Variants in NIPAL1 observed in about 807,000 individuals in gnomAD.
NIPAL1 encodes the protein magnesium transporter NIPA3.
Under a neutral mutation model 37.7 loss-of-function variants are expected in NIPAL1, and 35 were observed. The observed-to-expected ratio is 0.93, with a 90% CI of 0.71 to 1.23. The LOEUF is 1.23. Ranked by LOEUF, NIPAL1 falls within the 50% of genes most tolerant of loss-of-function variation. The pLI, the probability that NIPAL1 is intolerant of heterozygous loss-of-function variation, is 0.00. For synonymous variants in NIPAL1, 162 were observed against 183.0 expected (o/e 0.89, Z 0.93); for missense variants, 412 against 473.9 (o/e 0.87, Z 1.21).
rs1715993931 is a variant in NIPAL1 at position 48,038,093 on chromosome 4, C to T, written c.*1921C>T. ...AACTAACTTCAGCATTTCCACAGTT[C>T]TATTAAACAATGACTGATGTTCACA... is the stretch of plus-strand genomic sequence containing the variant. On this transcript the variant is annotated 3_prime_UTR_variant, in exon 6 of 6. Transcript: ENST00000295461. 1 of 152,174 alleles carries T rather than the reference C, an allele frequency of 6.6e-6. No homozygotes were observed. 9.4% of individuals were successfully genotyped at this position (152,174 alleles called of 1,614,324 possible).
At position 48,034,874 on chromosome 4, in the gene NIPAL1, C is replaced by T. The variant is rs201208361; in HGVS notation, c.462-7C>T. On this transcript the variant is annotated splice_polypyrimidine_tract_variant and splice_region_variant and intron_variant, in intron 4 of 5. Coordinates refer to ENST00000295461, the MANE Select transcript of NIPAL1 (RefSeq NM_207330.3). ...ATAGTGATTTTTAATTTTTTCTCTC[C>T]CAACAGTGCAATATTATCTTCCTAC... is the stretch of plus-strand genomic sequence containing the variant. 8.7e-6 allele frequency: 14 copies of T among 1,607,920 alleles called. No individual in the cohort carries two copies. The highest frequency in any genetic ancestry group is 1.2e-5 in the Non-Finnish European group (14 of 1,176,230).
At chr4:48,024,940 G>A in intron 1 of NIPAL1, 128 bp from the exon 2 acceptor site, 1 of 765,188 alleles carries the variant, frequency 1.3e-6, no homozygotes, top group South Asian at 1.7e-5. Context: ...CCACCTGTTA[G>A]CGACTTCCCT....
At chr4:48,029,398 A>G (rs1485592476) in intron 2 of NIPAL1, among the ~76,000 whole-genome samples, 1 of 152,182 alleles carries the variant, frequency 6.6e-6, no homozygotes, top group Non-Finnish European at 1.5e-5. Flanking sequence ...TTCAAAGTGG[A>G]ATAATGGACA....
intron 1 of NIPAL1, among the ~76,000 whole-genome samples, chr4:48,017,827 CTA>C (rs1215695408): frequency 6.7e-6 from 1 of 150,240 alleles, no homozygotes; most frequent in Admixed American, 6.7e-5. Flanking sequence ...GTAAGAACTA[CTA>C]TATATATACA....
In NIPAL1 at chr4:48,036,129, G is replaced by C. The variant is rs758480132; in HGVS notation, c.1190G>C (p.Gly397Ala). ...LLENLECSAP[G>A]YNDDVTLFSR... is the part of the protein sequence containing the mutation. ...GAGAACTTGGAGTGTTCAGCCCCAG[G>C]ATACAATGATGACGTTACCTTGTTT... Residue 397 changes from glycine (G) to alanine (A), a missense_variant, in exon 6 of 6, where the codon GGA (glycine) becomes GCA (alanine). Coordinates refer to ENST00000295461, the MANE Select transcript of NIPAL1 (RefSeq NM_207330.3). 6.2e-7 allele frequency: 1 copy of C among 1,608,738 alleles called. No homozygotes were observed. Among genetic ancestry groups the C allele is most frequent in the Non-Finnish European group, 8.5e-7 (1 of 1,178,842 alleles).
rs1345540738 is a variant in NIPAL1, at chr4:48,035,817, A to G, written c.878A>G (p.Tyr293Cys). Residue 293 changes from tyrosine (Y) to cysteine (C), a missense_variant, in exon 6 of 6, where the codon TAT becomes TGT. Coordinates refer to ENST00000295461, the MANE Select transcript of NIPAL1 (RefSeq NM_207330.3). ...LVLSVTTQIN[Y>C]LNKALDTFNT... The stretch of plus-strand genomic sequence containing the variant: ...CTTTCAGTAACTACACAGATTAACT[A>G]TCTCAACAAGGCACTGGACACCTTT... 5 of 1,614,214 alleles carry G rather than the reference A, an allele frequency of 3.1e-6. No individual in the cohort carries two copies. Among genetic ancestry groups the G allele is most frequent in the African/African-American group, 1.3e-5 (1 of 75,050 alleles).
rs200759109 is a variant in NIPAL1, at chr4:48,025,112, T to C, written c.91T>C (p.Cys31Arg). The change falls in exon 2 of 6, where the codon TGT (cysteine) becomes CGT (arginine). Residue 31 changes from cysteine to arginine, a missense_variant. Transcript: ENST00000295461. Reference protein sequence around the residue: ...LVCPNSSQAWCEITNVSQLLA... With the variant: ...LVCPNSSQAWREITNVSQLLA... Reference sequence around the variant, plus strand: ...CTGTCCAAACTCCTCCCAGGCTTGGTGTGAGATCACAAATGTGTCACAGCT... The same window carrying C: ...CTGTCCAAACTCCTCCCAGGCTTGGCGTGAGATCACAAATGTGTCACAGCT... The C allele has an allele frequency of 2.2e-4, 354 of 1,614,048 alleles. 2 individuals are homozygous for C. In the East Asian group the frequency reaches 7.8e-3, roughly 36 times the overall value.
rs576398770 is a variant in NIPAL1, at chr4:48,027,399, A to T, written c.313+2065A>T. ...CAATAGTCAGGTTCAGTGTGGTAAC[A>T]TAATTCCAACTTAGTTATTTGTAAA... is the stretch of plus-strand genomic sequence containing the variant. On this transcript the variant is annotated intron_variant, in intron 2 of 5. Transcript: ENST00000295461. This position sits in a 1 kb window ranked among gnomAD's most constrained non-coding sequence, Gnocchi z 4.1. Among the ~76,000 whole-genome samples the T allele has an allele frequency of 5.9e-5, 9 of 152,350 alleles. No individual in the cohort carries two copies. Among genetic ancestry groups the T allele is most frequent in the African/African-American group, 2.2e-4 (9 of 41,598 alleles).
Position 48,025,127 on chromosome 4 carries a change from G to C in NIPAL1, c.106G>C (p.Val36Leu). 1 of 1,613,776 alleles carries C rather than the reference G, an allele frequency of 6.2e-7. No homozygotes were observed. Among genetic ancestry groups the C allele is most frequent in the Non-Finnish European group, 8.5e-7 (1 of 1,179,728 alleles). The change falls in exon 2 of 6, where the codon GTG becomes CTG. Residue 36 changes from valine to leucine, a missense_variant. By Grantham distance (32) the Val-to-Leu change is conservative. Transcript: ENST00000295461. The part of the protein sequence containing the change: ...SSQAWCEITN[V>L]SQLLASPVLY... Reference sequence around the variant, plus strand: ...CCAGGCTTGGTGTGAGATCACAAATGTGTCACAGCTGCTGGCTTCTCCTGT... The same window carrying C: ...CCAGGCTTGGTGTGAGATCACAAATCTGTCACAGCTGCTGGCTTCTCCTGT...
intron 1 of NIPAL1, among the ~76,000 whole-genome samples, chr4:48,024,453 ATT>A (rs945639530): frequency 2.0e-5 from 3 of 147,872 alleles, no homozygotes; most frequent in Admixed American, 6.8e-5. Context: ...TAATTTTTCA[ATT>A]TTTTTTATGT....
At chr4:48,018,135 C>T (rs1715488012) in intron 1 of NIPAL1, among the ~76,000 whole-genome samples, 2 of 152,116 alleles carry the variant, frequency 1.3e-5, no homozygotes, top group Non-Finnish European at 2.9e-5. Flanking sequence ...GCCTGAACAA[C>T]TCACAAACTA....
chr4:48,018,509 T>C (rs1715502302), intron 1 of NIPAL1, among the ~76,000 whole-genome samples: 1 of 152,194 alleles, frequency 6.6e-6, no homozygotes, highest in African/African-American at 2.4e-5. Context: ...CATCAGACAG[T>C]CTGAGCTGTA....
intron 1 of NIPAL1, among the ~76,000 whole-genome samples, chr4:48,018,905 C>T (rs375109335): frequency 1.3e-4 from 20 of 152,108 alleles, no homozygotes; most frequent in Non-Finnish European, 2.6e-4. Flanking sequence ...AAGCCCCTTA[C>T]GAAAGTGATA....
intron 2 of NIPAL1, among the ~76,000 whole-genome samples, chr4:48,026,525 T>C (rs1288030466): frequency 1.3e-5 from 2 of 152,126 alleles, no homozygotes; most frequent in Non-Finnish European, 2.9e-5. Context: ...TTAAAACTTA[T>C]AAGTGGACCC....
At chr4:48,029,835 T>C (rs1715781851) in intron 2 of NIPAL1, among the ~76,000 whole-genome samples, 1 of 152,146 alleles carries the variant, frequency 6.6e-6, no homozygotes, top group African/African-American at 2.4e-5. Flanking sequence ...GTTGCAAAGG[T>C]AAATGCGTAG....
chr4:48,019,974 T>C (rs944422661), intron 1 of NIPAL1, among the ~76,000 whole-genome samples: 14 of 152,242 alleles, frequency 9.2e-5, no homozygotes, highest in African/African-American at 3.1e-4. Flanking sequence ...TTAAAAAATA[T>C]ATTCCTTGAT....
chr4:48,020,263 G>A (rs1260506277), intron 1 of NIPAL1, among the ~76,000 whole-genome samples: 2 of 152,190 alleles, frequency 1.3e-5, no homozygotes, highest in African/African-American at 4.8e-5. Context: ...AAAGTTCAAA[G>A]TTAGTGAGGA....
chr4:48,016,960 T>G (rs984670806), intron 1 of NIPAL1, 75 bp downstream of exon 1: 1 of 1,270,314 alleles, frequency 7.9e-7, no homozygotes, highest in African/African-American at 1.5e-5. Flanking sequence ...CCCGGACACT[T>G]GCGGAGACTG....
intron 1 of NIPAL1, among the ~76,000 whole-genome samples, chr4:48,023,327 G>A (rs1715617868): frequency 6.6e-6 from 1 of 152,136 alleles, no homozygotes. Context: ...AACTTCATGG[G>A]TGTTTCTTAA....
Sources: allele counts gnomAD v4.1 joint callset (sites outside exome capture counted in the v4.1 genomes callset), GRCh38; gene constraint gnomAD v4.1.1; non-coding constraint Gnocchi (gnomAD v3.1); transcripts MANE v1.5; gene names NCBI Gene and HGNC (gene_info 2026-07-23, HGNC 2026-07-21).